The following CNTNAP2 variants were observed in gnomAD, a reference collection of about 807,000 sequenced individuals.
The protein encoded by CNTNAP2 is contactin-associated protein-like 2.
A neutral mutation model predicts 155.2 loss-of-function variants in CNTNAP2; 98 were observed. The ratio of observed to expected loss-of-function variants is 0.63; its 90% CI spans 0.54 to 0.75. The LOEUF (loss-of-function observed/expected upper bound fraction) is 0.75. CNTNAP2 is among the 30% of genes least tolerant of loss of function. The probability of loss-of-function intolerance (pLI) is 0.00; values close to 1 mark genes in which losing one functional copy is unlikely to be tolerated. For missense variants in CNTNAP2, 1,727 were observed against 1,688.1 expected (o/e 1.02, Z -0.40); for synonymous variants, 651 against 631.2 (o/e 1.03, Z -0.47).
chr7:146,611,096 G>A (rs748557586), intron 1 of CNTNAP2, among the ~76,000 whole-genome samples: 6 of 152,148 alleles, frequency 3.9e-5, no homozygotes, highest in Non-Finnish European at 5.9e-5. Flanking sequence ...AGCCGTTTAT[G>A]TATTTTGCTT....
intron 13 of CNTNAP2, among the ~76,000 whole-genome samples, chr7:147,894,801 G>C (rs530719760): frequency 1.3e-5 from 2 of 151,942 alleles, no homozygotes; most frequent in East Asian, 3.9e-4. Context: ...TAGCCCAGAA[G>C]TTCCGAAGAA....
At chr7:147,221,005 C>G (rs867330566) in intron 8 of CNTNAP2, among the ~76,000 whole-genome samples, 8 of 152,138 alleles carry the variant, frequency 5.3e-5, no homozygotes, top group South Asian at 2.1e-4. Flanking sequence ...ATCCACCACA[C>G]CTGGCCACAC....
intron 10 of CNTNAP2, among the ~76,000 whole-genome samples, chr7:147,410,930 G>T (rs1210131717): frequency 6.6e-6 from 1 of 152,118 alleles, no homozygotes; most frequent in African/African-American, 2.4e-5. Context: ...ATGCTGTATT[G>T]CAAGAATGAG....
At chr7:146,152,925 A>G (rs964250219) in intron 1 of CNTNAP2, among the ~76,000 whole-genome samples, 3 of 152,104 alleles carry the variant, frequency 2.0e-5, no homozygotes, top group African/African-American at 7.2e-5. Flanking sequence ...TTTATGATTT[A>G]CTCCCAGAGT....
At chr7:147,256,138 C>T (rs1262435550) in intron 8 of CNTNAP2, among the ~76,000 whole-genome samples, 3 of 152,064 alleles carry the variant, frequency 2.0e-5, no homozygotes, top group Admixed American at 1.3e-4. Context: ...TGATATAAAC[C>T]ACATTGAAGT....
chr7:148,208,977 A>G (rs1483477210), intron 18 of CNTNAP2, among the ~76,000 whole-genome samples: 4 of 151,982 alleles, frequency 2.6e-5, no homozygotes, highest in African/African-American at 7.3e-5. Context: ...CTCTTCACAC[A>G]CTTCTCCCAG....
chr7:148,125,282 CA>C (rs1353377205), intron 16 of CNTNAP2, among the ~76,000 whole-genome samples: 1 of 151,888 alleles, frequency 6.6e-6, no homozygotes, highest in Non-Finnish European at 1.5e-5. Flanking sequence ...CTTTTAGGTT[CA>C]GGGGTACATG....
chr7:148,021,090 AT>A (rs1410601825), intron 15 of CNTNAP2, among the ~76,000 whole-genome samples: 1 of 152,204 alleles, frequency 6.6e-6, no homozygotes, highest in Non-Finnish European at 1.5e-5. Context: ...TGTTGAGTGA[AT>A]TTCTAATAAT....
chr7:147,332,461 C>G (rs1357642783), intron 9 of CNTNAP2, among the ~76,000 whole-genome samples: 2 of 152,036 alleles, frequency 1.3e-5, no homozygotes, highest in African/African-American at 4.8e-5. Context: ...TCAGAAAATG[C>G]CTGATTAACA....
intron 4 of CNTNAP2, among the ~76,000 whole-genome samples, chr7:147,063,048 A>G (rs933462763): frequency 6.6e-6 from 1 of 152,120 alleles, no homozygotes; most frequent in Non-Finnish European, 1.5e-5. Flanking sequence ...CTTCACATGT[A>G]TTTTCTAGTC....
intron 8 of CNTNAP2, among the ~76,000 whole-genome samples, chr7:147,255,867 A>G (rs1266310188): frequency 6.6e-6 from 1 of 152,082 alleles, no homozygotes; most frequent in Non-Finnish European, 1.5e-5. Context: ...CCACCAGAAT[A>G]GCTAAGATTA....
chr7:147,884,767 G>A (rs768455729), intron 13 of CNTNAP2, among the ~76,000 whole-genome samples: 16 of 152,156 alleles, frequency 1.1e-4, no homozygotes, highest in Non-Finnish European at 2.1e-4. Flanking sequence ...GCTCTTCTGT[G>A]AGATTGGAGG....
At chr7:148,223,311 C>T (rs1012544935) in intron 19 of CNTNAP2, among the ~76,000 whole-genome samples, 19 of 152,170 alleles carry the variant, frequency 1.2e-4, no homozygotes, top group African/African-American at 4.6e-4. Flanking sequence ...GTATTGTTAT[C>T]TGTCTCTGTG....
rs571966152 is a variant in CNTNAP2, at chr7:146,882,353, C to T, written c.402+42449C>T. On this transcript the variant is annotated intron_variant, in intron 3 of 23. Transcript: ENST00000361727. ...GTGATAAGGTTTGGCTGTGTCCCCA[C>T]CTAAAATCTCATCTTGAATTGTAAT... 8.5e-5 allele frequency among the ~76,000 whole-genome samples: 13 copies of T among 152,092 alleles called. No individual in the cohort carries two copies. In the South Asian group the frequency reaches 2.7e-3, roughly 32 times the overall value.
At chr7:148,096,758 G>A (rs1320228062) in intron 15 of CNTNAP2, among the ~76,000 whole-genome samples, 1 of 152,100 alleles carries the variant, frequency 6.6e-6, no homozygotes, top group Admixed American at 6.5e-5. Context: ...AAATAAAATG[G>A]AAGGATTTAC....
intron 1 of CNTNAP2, among the ~76,000 whole-genome samples, chr7:146,459,853 C>T (rs1796610449): frequency 3.3e-5 from 5 of 152,028 alleles, no homozygotes; most frequent in Admixed American, 2.6e-4. Context: ...GCCTGTAGTC[C>T]CAGCTACTTG....
intron 10 of CNTNAP2, among the ~76,000 whole-genome samples, chr7:147,450,958 C>G (rs1370547899): frequency 1.3e-5 from 2 of 152,198 alleles, no homozygotes; most frequent in African/African-American, 4.8e-5. Flanking sequence ...ATGGATGAAA[C>G]AACTCCACAT....
chr7:147,876,817 A>T (rs1449204634), intron 13 of CNTNAP2, among the ~76,000 whole-genome samples: 1 of 152,044 alleles, frequency 6.6e-6, no homozygotes, highest in East Asian at 1.9e-4. Context: ...CACACCACAG[A>T]AAGGTGGGTC....
chr7:148,231,510 A>G (rs1486191925), intron 20 of CNTNAP2, among the ~76,000 whole-genome samples: 1 of 152,138 alleles, frequency 6.6e-6, no homozygotes, highest in African/African-American at 2.4e-5. Flanking sequence ...AAAACTGTGG[A>G]CTAGAATACC....
Sources: allele counts gnomAD v4.1 joint callset (sites outside exome capture counted in the v4.1 genomes callset), GRCh38; gene constraint gnomAD v4.1.1; transcripts MANE v1.5; gene names NCBI Gene and HGNC (gene_info 2026-07-23, HGNC 2026-07-21).